The following FMN1 variants were observed in gnomAD, a reference collection of about 807,000 sequenced individuals.
FMN1 encodes the protein formin-1.
FMN1 carries 110 observed loss-of-function variants against 132.4 expected under a neutral mutation model. That is an observed-to-expected ratio of 0.83 (90% CI 0.71 to 0.97). The LOEUF (loss-of-function observed/expected upper bound fraction) is 0.97, where lower values mean the gene tolerates loss of function less well. Ranked by LOEUF, FMN1 falls within the 50% of genes least tolerant of loss-of-function variation. The pLI is 0.00. For missense variants in FMN1, 1,792 were observed against 1,705.3 expected (o/e 1.05, Z -0.90); for synonymous variants, 722 against 651.7 (o/e 1.11, Z -1.64).
intron 7 of FMN1, among the ~76,000 whole-genome samples, chr15:33,006,142 T>A (rs939831856): frequency 6.6e-6 from 1 of 152,208 alleles, no homozygotes; most frequent in African/African-American, 2.4e-5. Context: ...GATGTTTTCA[T>A]ATATCTGATA....
chr15:32,879,389 A>T (rs761196387), intron 16 of FMN1, among the ~76,000 whole-genome samples: 1 of 152,212 alleles, frequency 6.6e-6, no homozygotes, highest in African/African-American at 2.4e-5. Flanking sequence ...TGAAGGAGGA[A>T]AGAGCTAATA....
intron 10 of FMN1, 56 bp from the exon 11 acceptor site, chr15:32,910,591 C>T (rs2060536822): frequency 4.7e-6 from 6 of 1,264,224 alleles, no homozygotes; most frequent in East Asian, 2.5e-5. Flanking sequence ...TCCCCTGCAC[C>T]AATGTTTACT....
intron 11 of FMN1, among the ~76,000 whole-genome samples, chr15:32,908,871 A>G (rs1278946350): frequency 6.6e-6 from 1 of 152,198 alleles, no homozygotes; most frequent in African/African-American, 2.4e-5. Flanking sequence ...ACACAGAAGT[A>G]CAGCTATTTG....
At chr15:32,950,152 C>G (rs1322459102) in intron 9 of FMN1, among the ~76,000 whole-genome samples, 1 of 144,246 alleles carries the variant, frequency 6.9e-6, no homozygotes, top group Non-Finnish European at 1.5e-5. Flanking sequence ...CATCTTACAC[C>G]AGTCAGAATG....
intron 17 of FMN1, among the ~76,000 whole-genome samples, chr15:32,855,172 A>G (rs865906825): frequency 1.3e-5 from 2 of 149,144 alleles, no homozygotes; most frequent in East Asian, 1.9e-4. Flanking sequence ...AAAAAAAAAA[A>G]AAAAAAAAAA....
At chr15:33,089,072 T>TAAG in intron 4 of FMN1, 98 bp from the exon 5 acceptor site, 1 of 920,814 alleles carries the variant, frequency 1.1e-6, no homozygotes, top group South Asian at 2.0e-5. Flanking sequence ...TTCTCTATGC[T>TAAG]AGCTCTTACT....
intron 9 of FMN1, among the ~76,000 whole-genome samples, chr15:32,961,532 T>C (rs556541090): frequency 3.3e-5 from 5 of 152,176 alleles, no homozygotes; most frequent in Non-Finnish European, 7.3e-5. Context: ...CTATACTTTT[T>C]CCTCAACACC....
intron 6 of FMN1, chr15:33,063,629 C>G (rs1247057559): frequency 1.3e-5 from 2 of 151,990 alleles, no homozygotes. Flanking sequence ...ATGTAATTAC[C>G]CTAGAGAAAA....
intron 17 of FMN1, among the ~76,000 whole-genome samples, chr15:32,823,324 G>A (rs1447315398): frequency 6.6e-6 from 1 of 151,848 alleles, no homozygotes; most frequent in African/African-American, 2.4e-5. Context: ...ACCATGCCCA[G>A]TTAATTTCTT....
At chr15:33,042,045 C>T (rs1041297494) in intron 6 of FMN1, among the ~76,000 whole-genome samples, 3 of 151,606 alleles carry the variant, frequency 2.0e-5, no homozygotes, top group African/African-American at 4.8e-5. Context: ...TAAAAAAAAT[C>T]CAATGCTCTC....
chr15:32,887,952 A>T (rs2059934043), intron 16 of FMN1, among the ~76,000 whole-genome samples: 1 of 152,096 alleles, frequency 6.6e-6, no homozygotes, highest in South Asian at 2.1e-4. Flanking sequence ...CGAGATATGG[A>T]TATAAGAAAC....
intron 3 of FMN1, among the ~76,000 whole-genome samples, chr15:33,175,773 C>A (rs1192514400): frequency 6.6e-6 from 1 of 152,250 alleles, no homozygotes; most frequent in East Asian, 1.9e-4. Context: ...CACATGGATG[C>A]CAAAATCATC....
intron 9 of FMN1, among the ~76,000 whole-genome samples, chr15:32,930,846 T>A (rs573227668): frequency 5.9e-5 from 9 of 152,282 alleles, no homozygotes; most frequent in Middle Eastern, 3.4e-3. Context: ...AAGTTTCTAA[T>A]CTATTTTGAG....
chr15:33,065,806 T>TG (rs2037698208), intron 5 of FMN1, among the ~76,000 whole-genome samples: 1 of 152,224 alleles, frequency 6.6e-6, no homozygotes, highest in Non-Finnish European at 1.5e-5. Flanking sequence ...GACAGGTACT[T>TG]GCTCATCTTT....
intron 4 of FMN1, among the ~76,000 whole-genome samples, chr15:33,144,637 GAAAA>G (rs10606867): frequency 9.9e-6 from 1 of 101,116 alleles, no homozygotes; most frequent in African/African-American, 3.7e-5. Context: ...GACTCCGTCT[GAAAA>G]AAAAAAAAAA....
chr15:33,143,557 G>T (rs1301964384), intron 4 of FMN1, among the ~76,000 whole-genome samples: 1 of 152,070 alleles, frequency 6.6e-6, no homozygotes, highest in South Asian at 2.1e-4. Flanking sequence ...ATTTTGAAGT[G>T]TTCTATCACT....
rs920928869 is a variant in FMN1 at position 32,867,426 on chromosome 15, T to A, written c.3836-10319A>T. On this transcript the variant is annotated intron_variant, in intron 16 of 20. Transcript: ENST00000616417. ...TTCCCATTATGGTGTTCTCCTGCTA[T>A]GCCACTCTCCTTCACTTCCTAGTAA... Among the ~76,000 whole-genome samples the A allele has an allele frequency of 2.6e-5, 4 of 152,320 alleles. 1 individual carries two copies. Among genetic ancestry groups the A allele is most frequent in the Middle Eastern group, 6.8e-3 (2 of 294 alleles).
At chr15:33,024,683 G>A (rs1261288756) in intron 6 of FMN1, among the ~76,000 whole-genome samples, 2 of 152,134 alleles carry the variant, frequency 1.3e-5, no homozygotes, top group Non-Finnish European at 2.9e-5. Flanking sequence ...CAAATGTAAA[G>A]GCGCACATAA....
intron 6 of FMN1, among the ~76,000 whole-genome samples, chr15:33,045,513 C>T (rs2036636832): frequency 6.6e-6 from 1 of 152,210 alleles, no homozygotes; most frequent in African/African-American, 2.4e-5. Flanking sequence ...CTGGGGATTG[C>T]AGTAAGTTGC....
Sources: allele counts gnomAD v4.1 joint callset (sites outside exome capture counted in the v4.1 genomes callset), GRCh38; gene constraint gnomAD v4.1.1; transcripts MANE v1.5; gene names NCBI Gene and HGNC (gene_info 2026-07-23, HGNC 2026-07-21).